COL13A1: variants seen among roughly 807,000 people sequenced by gnomAD.
COL13A1 encodes the protein collagen type XIII alpha 1 chain.
In COL13A1, 89 loss-of-function variants were observed where a neutral mutation model predicts 130.9. That is an observed-to-expected ratio of 0.68 (90% confidence interval 0.57 to 0.81). The LOEUF (loss-of-function observed/expected upper bound fraction) is 0.81. Ranked by LOEUF, COL13A1 falls within the 30% of genes least tolerant of loss-of-function variation. The pLI, the probability that COL13A1 is intolerant of heterozygous loss-of-function variation, is 0.00. For missense variants in COL13A1, 879 were observed against 934.6 expected, an observed-to-expected ratio of 0.94 and a Z score of 0.78; for synonymous variants, 402 against 341.6, an observed-to-expected ratio of 1.18 and a Z score of -1.95.
intron 15 of COL13A1, among the ~76,000 whole-genome samples, chr10:69,903,537 C>A (rs557399961): frequency 5.9e-5 from 9 of 152,298 alleles, no homozygotes; most frequent in East Asian, 1.9e-4. Context: ...TACAACAAAG[C>A]CCCAGGACAG....
At chr10:69,870,526 G>GC (rs1266016941) in intron 3 of COL13A1, among the ~76,000 whole-genome samples, 1 of 143,732 alleles carries the variant, frequency 7.0e-6, no homozygotes, top group Admixed American at 7.0e-5. Flanking sequence ...TTGCTATATT[G>GC]CCCAGGCTGG....
At position 69,829,074 on chromosome 10, in the gene COL13A1, A is replaced by G. The variant is rs1179426598; in HGVS notation, c.364+6636A>G. 2.0e-5 allele frequency among the ~76,000 whole-genome samples: 3 copies of G among 151,878 alleles called. No individual in the cohort carries two copies. In the East Asian group the frequency reaches 5.8e-4, roughly 30 times the overall value. On this transcript the variant is annotated intron_variant, in intron 2 of 40. Coordinates refer to ENST00000645393, the MANE Select transcript of COL13A1 (RefSeq NM_001368882.1). ...CAATGAAAGCCAGCACCTTCCCCCC[A>G]CCTGGCCCTTTCCAACATTCTCGAC... is the stretch of plus-strand genomic sequence containing the variant.
chr10:69,951,522 A>C (rs759148045), intron 38 of COL13A1, among the ~76,000 whole-genome samples: 12 of 151,970 alleles, frequency 7.9e-5, no homozygotes, highest in Admixed American at 2.6e-4. Context: ...ATGCCACCAC[A>C]CCCGACTAAT....
At chr10:69,807,159 T>C (rs1480714028) in intron 1 of COL13A1, among the ~76,000 whole-genome samples, 4 of 152,152 alleles carry the variant, frequency 2.6e-5, no homozygotes, top group Non-Finnish European at 5.9e-5. Flanking sequence ...GTAATAGAAA[T>C]GTCCTGTAGT....
intron 26 of COL13A1, among the ~76,000 whole-genome samples, chr10:69,926,305 C>T (rs2065348007): frequency 6.6e-6 from 1 of 152,220 alleles, no homozygotes. Flanking sequence ...TTCATGAGCT[C>T]CCGCTCCCCA....
rs149965934 is a variant in COL13A1 at position 69,899,839 on chromosome 10, G to A, written c.750+1077G>A. Among the ~76,000 whole-genome samples, 512 of 152,232 alleles carry A rather than the reference G, an allele frequency of 3.4e-3. 5 individuals carry two copies. The highest frequency in any genetic ancestry group is 0.011 in the African/African-American group (477 of 41,542). ...AGCACAGGGACGCTAGCAGTGGCAGGGCTCTGAGCTGCTTTCTACAAGCCT... is the reference window on the plus strand; with the variant it reads ...AGCACAGGGACGCTAGCAGTGGCAGAGCTCTGAGCTGCTTTCTACAAGCCT... On this transcript the variant is annotated intron_variant, in intron 14 of 40. Transcript: ENST00000645393.
Position 69,958,827 on chromosome 10 carries a change from A to T in COL13A1, c.*126A>T. 1 of 1,316,880 alleles carries T rather than the reference A, an allele frequency of 7.6e-7. No individual in the cohort carries two copies. Among genetic ancestry groups the T allele is most frequent in the Non-Finnish European group, 1.0e-6 (1 of 959,684 alleles). 81.6% of individuals were successfully genotyped at this position (1,316,880 alleles called of 1,614,324 possible). On this transcript the variant is annotated 3_prime_UTR_variant, in exon 41 of 41. Coordinates refer to ENST00000645393, the MANE Select transcript of COL13A1 (RefSeq NM_001368882.1). ...TACAGATTATTAAAAAAGAAAGAAA[A>T]ACCTGCATATTTTGTACAGAAAATA...
intron 18 of COL13A1, among the ~76,000 whole-genome samples, chr10:69,917,821 G>A (rs1430979521): frequency 6.6e-6 from 1 of 152,056 alleles, no homozygotes; most frequent in Non-Finnish European, 1.5e-5. Flanking sequence ...CACTGGGGGC[G>A]ACTGTCCCTG....
At position 69,802,981 on chromosome 10, in the gene COL13A1, G is replaced by A. The variant is rs56173804; in HGVS notation, c.294+264G>A. Among the ~76,000 whole-genome samples the A allele has an allele frequency of 0.43, 65,314 of 152,182 alleles. 14,608 individuals are homozygous for A. Among genetic ancestry groups the A allele is most frequent in the East Asian group, 0.65 (3,324 of 5,144 alleles). On this transcript the variant is annotated intron_variant, in intron 1 of 40. Coordinates refer to ENST00000645393, the MANE Select transcript of COL13A1 (RefSeq NM_001368882.1). Reference sequence around the variant, plus strand: ...GCGCTGGGAGCGCCCTGGGCACGCCGGGCAGGTGGAGGAAGGCTGGGCGCG... The same window carrying A: ...GCGCTGGGAGCGCCCTGGGCACGCCAGGCAGGTGGAGGAAGGCTGGGCGCG...
chr10:69,888,249 C>T, intron 8 of COL13A1, 55 bp from the exon 9 acceptor site: 1 of 1,605,580 alleles, frequency 6.2e-7, no homozygotes, highest in South Asian at 1.1e-5. Context: ...CAGGCAGCCT[C>T]TTTGGCAGGA....
chr10:69,901,394 A>G (rs1468067796), intron 14 of COL13A1, among the ~76,000 whole-genome samples: 1 of 152,292 alleles, frequency 6.6e-6, no homozygotes, highest in Admixed American at 6.5e-5. Flanking sequence ...TACATTTCTC[A>G]TTCCCAGGTT....
intron 28 of COL13A1, among the ~76,000 whole-genome samples, chr10:69,929,323 A>T (rs926740061): frequency 6.6e-6 from 1 of 151,710 alleles, no homozygotes; most frequent in Non-Finnish European, 1.5e-5. Flanking sequence ...GCCCCTCCCC[A>T]ATCCTCCCAC....
chr10:69,829,523 CG>C (rs1406290785), intron 2 of COL13A1, among the ~76,000 whole-genome samples: 2 of 152,240 alleles, frequency 1.3e-5, no homozygotes, highest in African/African-American at 4.8e-5. Context: ...CCAGACAGAA[CG>C]TTATGCTTTA....
At chr10:69,804,650 C>CTTT (rs57012318) in intron 1 of COL13A1, among the ~76,000 whole-genome samples, 16 of 142,334 alleles carry the variant, frequency 1.1e-4, no homozygotes, top group Non-Finnish European at 1.5e-4. Flanking sequence ...ATCCTGCCAC[C>CTTT]TTTTTTTTTT....
chr10:69,844,602 C>T (rs1039896671), intron 2 of COL13A1, among the ~76,000 whole-genome samples: 1 of 152,148 alleles, frequency 6.6e-6, no homozygotes. Context: ...CAGTAGCAAG[C>T]ACAAAGTGAC....
rs765991330 is a variant in COL13A1 at position 69,952,929 on chromosome 10, A to C, written c.2106A>C (p.Gly702=). ...KGSRGPKGDK[G]DQGAPGLDAP... ...CTAGAGGGCCTAAAGGGGATAAGGG[A>C]GACCAAGGAGCGCCTGGATTAGATG... Residue 702 remains glycine, a synonymous_variant, in exon 39 of 41, where the codon GGA becomes GGC. Coordinates refer to ENST00000645393, the MANE Select transcript of COL13A1 (RefSeq NM_001368882.1). 6.4e-7 allele frequency: 1 copy of C among 1,558,524 alleles called. No homozygotes were observed. The highest frequency in any genetic ancestry group is 8.6e-7 in the Non-Finnish European group (1 of 1,158,724).
At chr10:69,945,992 C>T (rs1367838128) in intron 37 of COL13A1, among the ~76,000 whole-genome samples, 1 of 151,948 alleles carries the variant, frequency 6.6e-6, no homozygotes, top group Admixed American at 6.6e-5. Flanking sequence ...ATCTCTTGAA[C>T]CCAGGAGGTG....
chr10:69,872,050 CT>C, intron 3 of COL13A1, 133 bp from the exon 4 acceptor site: 1 of 1,017,356 alleles, frequency 9.8e-7, no homozygotes, highest in Non-Finnish European at 1.5e-6. Context: ...AAGGCTCCCC[CT>C]TCGTTTTGTT....
At chr10:69,853,110 C>G (rs1245689047) in intron 2 of COL13A1, among the ~76,000 whole-genome samples, 1 of 152,224 alleles carries the variant, frequency 6.6e-6, no homozygotes, top group Non-Finnish European at 1.5e-5. Flanking sequence ...CTGGTCTCCC[C>G]AGGGTGCCCC....
Sources: gnomAD v4.1 joint callset for allele counts (sites outside exome capture counted in the v4.1 genomes callset) on GRCh38, gnomAD v4.1.1 for gene constraint, MANE v1.5 for transcripts, NCBI Gene and HGNC (gene_info 2026-07-23, HGNC 2026-07-21) for gene names.